The following SLTM variants were observed in gnomAD, a reference collection of about 807,000 sequenced individuals.
The protein encoded by SLTM is SAFB-like transcription modulator.
A neutral mutation model predicts 134.6 loss-of-function variants in SLTM; 43 were observed. That is an observed-to-expected ratio of 0.32 (90% CI 0.25 to 0.41). The LOEUF (loss-of-function observed/expected upper bound fraction) is 0.41, where lower values mean the gene tolerates loss of function less well. Ranked by LOEUF, SLTM falls within the 10% of genes least tolerant of loss-of-function variation. The pLI is 1.00. For synonymous variants in SLTM, 424 were observed against 432.3 expected, an observed-to-expected ratio of 0.98 and a Z score of 0.24; for missense variants, 1,055 against 1,288.8, an observed-to-expected ratio of 0.82 and a Z score of 2.78.
chr15:58,908,850 G>C (rs1480516355), intron 5 of SLTM, among the ~76,000 whole-genome samples: 3 of 152,166 alleles, frequency 2.0e-5, no homozygotes, highest in African/African-American at 7.2e-5. Context: ...ATTACTTTCA[G>C]TAACTACATT....
chr15:58,884,115 G>A (rs544072390), intron 19 of SLTM, among the ~76,000 whole-genome samples: 325 of 151,614 alleles, frequency 2.1e-3, no homozygotes, highest in African/African-American at 7.5e-3. Flanking sequence ...AAAAAAAAAG[G>A]AGAAGTCACA....
chr15:58,902,092 G>C (rs1488403911), intron 5 of SLTM, among the ~76,000 whole-genome samples: 1 of 152,146 alleles, frequency 6.6e-6, no homozygotes, highest in East Asian at 1.9e-4. Flanking sequence ...ATAAAGGGAA[G>C]GGAGAAGCTT....
intron 6 of SLTM, 118 bp from the exon 7 acceptor site, chr15:58,900,055 A>T: frequency 9.6e-6 from 6 of 626,240 alleles, no homozygotes; most frequent in Non-Finnish European, 1.3e-5. Context: ...GATGGAAGTT[A>T]GGGAAAAAAA....
At chr15:58,901,868 G>A (rs1261898631) in intron 5 of SLTM, among the ~76,000 whole-genome samples, 14 of 151,470 alleles carry the variant, frequency 9.2e-5, no homozygotes, top group African/African-American at 3.4e-4. Context: ...CTCCAGCTGG[G>A]TGACAGAGTA....
chr15:58,893,416 G>C, intron 12 of SLTM, 52 bp from the exon 13 acceptor site: 2 of 1,269,834 alleles, frequency 1.6e-6, no homozygotes, highest in Non-Finnish European at 2.2e-6. Context: ...CATTGAGAAA[G>C]AAAATATGTA....
chr15:58,885,475 T>C (rs2034103325), intron 19 of SLTM, among the ~76,000 whole-genome samples: 1 of 152,192 alleles, frequency 6.6e-6, no homozygotes, highest in Admixed American at 6.5e-5. Context: ...GGCAGACTTA[T>C]TTGGATTATA....
intron 3 of SLTM, among the ~76,000 whole-genome samples, chr15:58,915,152 C>T (rs1318516148): frequency 6.6e-6 from 1 of 152,080 alleles, no homozygotes; most frequent in East Asian, 1.9e-4. Flanking sequence ...CATCGCACCA[C>T]TGCACTCCAG....
chr15:58,919,935 G>C (rs1018208507), intron 2 of SLTM, among the ~76,000 whole-genome samples: 5 of 152,074 alleles, frequency 3.3e-5, no homozygotes, highest in Non-Finnish European at 7.4e-5. Context: ...CCAGGATTTC[G>C]TGACCAATCT....
intron 19 of SLTM, among the ~76,000 whole-genome samples, chr15:58,886,413 CCCA>C (rs879545639): frequency 1.3e-5 from 2 of 151,668 alleles, no homozygotes; most frequent in Non-Finnish European, 2.9e-5. Flanking sequence ...ATTACAGGCG[CCCA>C]CCACCACGCC....
intron 2 of SLTM, among the ~76,000 whole-genome samples, chr15:58,930,020 A>G (rs1411354541): frequency 6.6e-6 from 1 of 152,130 alleles, no homozygotes; most frequent in East Asian, 1.9e-4. Flanking sequence ...AATTCACAAG[A>G]TTTTCATAAC....
intron 9 of SLTM, among the ~76,000 whole-genome samples, chr15:58,896,410 A>T (rs575682078): frequency 1.3e-5 from 2 of 152,174 alleles, no homozygotes. Context: ...AAATACAAAA[A>T]TTAGCCCAGT....
chr15:58,912,261 A>G (rs1422074646), intron 5 of SLTM, among the ~76,000 whole-genome samples: 3 of 151,854 alleles, frequency 2.0e-5, no homozygotes, highest in Admixed American at 2.0e-4. Flanking sequence ...CACCACGCCT[A>G]GCTAATTTTT....
intron 2 of SLTM, among the ~76,000 whole-genome samples, chr15:58,925,283 G>A (rs2037379307): frequency 1.3e-5 from 2 of 152,040 alleles, no homozygotes; most frequent in Non-Finnish European, 2.9e-5. Flanking sequence ...TCATTTTTCT[G>A]AAAGGCCTTG....
chr15:58,906,394 G>A (rs1384945045), intron 5 of SLTM, among the ~76,000 whole-genome samples: 1 of 152,158 alleles, frequency 6.6e-6, no homozygotes, highest in Non-Finnish European at 1.5e-5. Context: ...TATCTTCACA[G>A]TGGGATGTGC....
At chr15:58,907,301 T>TG (rs1401988085) in intron 5 of SLTM, among the ~76,000 whole-genome samples, 1 of 152,120 alleles carries the variant, frequency 6.6e-6, no homozygotes, top group African/African-American at 2.4e-5. Flanking sequence ...AAGAGGTTCT[T>TG]GAAACTAGAG....
intron 5 of SLTM, among the ~76,000 whole-genome samples, chr15:58,908,608 A>G (rs577857934): frequency 1.3e-5 from 2 of 152,028 alleles, no homozygotes; most frequent in South Asian, 2.1e-4. Flanking sequence ...GCCTTAAGCA[A>G]TCCTTTCATC....
intron 20 of SLTM, among the ~76,000 whole-genome samples, chr15:58,882,193 A>AAAAAAAAAAAAAC (rs2033790019): frequency 1.3e-5 from 2 of 149,698 alleles, no homozygotes; most frequent in Admixed American, 6.7e-5. Flanking sequence ...AAAAAAAAAA[A>AAAAAAAAAAAAAC]CCACACTTAG....
intron 2 of SLTM, among the ~76,000 whole-genome samples, chr15:58,923,134 G>T (rs1367638367): frequency 6.6e-6 from 1 of 152,092 alleles, no homozygotes; most frequent in African/African-American, 2.4e-5. Flanking sequence ...AAGGCAGGAG[G>T]ATTAACTGAG....
Position 58,879,677 on chromosome 15 carries a change from G to A in SLTM, c.*322C>T. The stretch of plus-strand genomic sequence containing the variant: ...AGCCAGACACCACAGAGCTAAGGCT[G>A]CAAATTAAACCACTACCACACAGCT... On this transcript the variant is annotated 3_prime_UTR_variant, in exon 21 of 21. Coordinates refer to ENST00000380516, the MANE Select transcript of SLTM (RefSeq NM_024755.4). 5.2e-6 allele frequency: 1 copy of A among 191,350 alleles called. No individual in the cohort carries two copies. Among genetic ancestry groups the A allele is most frequent in the East Asian group, 1.4e-4 (1 of 6,974 alleles). 11.9% of individuals were successfully genotyped at this position (191,350 alleles called of 1,614,324 possible).
Sources: gnomAD v4.1 joint callset for allele counts (sites outside exome capture counted in the v4.1 genomes callset) on GRCh38, gnomAD v4.1.1 for gene constraint, MANE v1.5 for transcripts, NCBI Gene and HGNC (gene_info 2026-07-23, HGNC 2026-07-21) for gene names.